CNTNAP5: variants seen among roughly 807,000 people sequenced by gnomAD.
CNTNAP5 encodes the protein contactin associated protein family member 5, also known as contactin-associated protein-like 5.
In CNTNAP5, 72 loss-of-function variants were observed where a neutral mutation model predicts 150.2. That is an observed-to-expected ratio of 0.48 (90% CI 0.40 to 0.58). The LOEUF is 0.58. CNTNAP5 is among the 20% of genes least tolerant of loss of function. The pLI is 0.00. For synonymous variants in CNTNAP5, 672 were observed against 619.8 expected (o/e 1.08, Z -1.25); for missense variants, 1,636 against 1,626.2 (o/e 1.01, Z -0.10).
At chr2:124,145,835 A>AAAAAAT (rs1422264200) in intron 1 of CNTNAP5, among the ~76,000 whole-genome samples, 1 of 49,790 alleles carries the variant, frequency 2.0e-5, no homozygotes, top group African/African-American at 8.7e-5. Context: ...AAAAGAAGAA[A>AAAAAAT]AAAAAAAAAA....
intron 10 of CNTNAP5, among the ~76,000 whole-genome samples, chr2:124,541,009 G>A (rs547662200): frequency 4.3e-4 from 66 of 152,044 alleles, no homozygotes; most frequent in African/African-American, 1.4e-3. Flanking sequence ...AAAAGCATCC[G>A]TACAGAGGTC....
chr2:124,856,585 A>T (rs1677379671), intron 19 of CNTNAP5, among the ~76,000 whole-genome samples: 1 of 152,236 alleles, frequency 6.6e-6, no homozygotes, highest in East Asian at 1.9e-4. Context: ...TTCCCTGATC[A>T]TGAGTGATGT....
chr2:124,280,152 A>G (rs1045218309), intron 3 of CNTNAP5, among the ~76,000 whole-genome samples: 1 of 151,384 alleles, frequency 6.6e-6, no homozygotes. Context: ...ATTATTTTAT[A>G]TATATACATA....
intron 3 of CNTNAP5, among the ~76,000 whole-genome samples, chr2:124,400,831 C>T (rs1034707461): frequency 6.6e-6 from 1 of 151,986 alleles, no homozygotes; most frequent in African/African-American, 2.4e-5. Context: ...AAATATATGA[C>T]ACTGTTGTCA....
At chr2:124,896,696 G>A (rs569116609) in intron 21 of CNTNAP5, among the ~76,000 whole-genome samples, 1 of 151,464 alleles carries the variant, frequency 6.6e-6, no homozygotes, top group Admixed American at 6.6e-5. Context: ...GCACCACCAT[G>A]TCCCGCTAAT....
intron 1 of CNTNAP5, among the ~76,000 whole-genome samples, chr2:124,047,729 A>G (rs1292063400): frequency 2.6e-5 from 4 of 152,178 alleles, no homozygotes. Flanking sequence ...GGTTCAAGGT[A>G]CAGACTCCTT....
chr2:124,168,203 C>T (rs547464264), intron 1 of CNTNAP5, among the ~76,000 whole-genome samples: 33 of 152,236 alleles, frequency 2.2e-4, no homozygotes, highest in African/African-American at 6.3e-4. Context: ...AGAAAACTGG[C>T]GCTCTGTGTT....
intron 1 of CNTNAP5, among the ~76,000 whole-genome samples, chr2:124,111,636 AG>A (rs750972366): frequency 6.6e-6 from 1 of 152,220 alleles, no homozygotes; most frequent in Non-Finnish European, 1.5e-5. Flanking sequence ...CAAAACCAGA[AG>A]GGTGGTCACA....
intron 13 of CNTNAP5, among the ~76,000 whole-genome samples, chr2:124,658,231 G>A (rs1678499878): frequency 6.6e-6 from 1 of 152,196 alleles, no homozygotes; most frequent in Non-Finnish European, 1.5e-5. Flanking sequence ...CAGAGCAAGA[G>A]GCTAGGCTTG....
intron 3 of CNTNAP5, among the ~76,000 whole-genome samples, chr2:124,321,206 C>T (rs911396710): frequency 6.6e-6 from 1 of 152,018 alleles, no homozygotes; most frequent in Non-Finnish European, 1.5e-5. Flanking sequence ...CTTTGAGAGG[C>T]CGAGGCAGGC....
intron 1 of CNTNAP5, among the ~76,000 whole-genome samples, chr2:124,208,578 G>C (rs887338857): frequency 6.6e-6 from 1 of 152,148 alleles, no homozygotes; most frequent in African/African-American, 2.4e-5. Flanking sequence ...TTCTAGAAGA[G>C]AATAAATATA....
intron 1 of CNTNAP5, among the ~76,000 whole-genome samples, chr2:124,107,192 C>T (rs1347890273): frequency 6.6e-6 from 1 of 152,126 alleles, no homozygotes; most frequent in Non-Finnish European, 1.5e-5. Context: ...GGCTTGGGAC[C>T]ACTATGCTCT....
chr2:124,415,707 C>T (rs1416089212), intron 3 of CNTNAP5, among the ~76,000 whole-genome samples: 1 of 152,112 alleles, frequency 6.6e-6, no homozygotes, highest in Non-Finnish European at 1.5e-5. Flanking sequence ...GCTGACATCC[C>T]ATCTTAAAGA....
At chr2:124,352,467 A>G (rs1689894211) in intron 3 of CNTNAP5, among the ~76,000 whole-genome samples, 1 of 152,192 alleles carries the variant, frequency 6.6e-6, no homozygotes. Context: ...AAGACAAAAC[A>G]GTGCCTGGAC....
intron 1 of CNTNAP5, among the ~76,000 whole-genome samples, chr2:124,066,192 T>C (rs897464305): frequency 6.6e-6 from 1 of 152,062 alleles, no homozygotes; most frequent in Non-Finnish European, 1.5e-5. Context: ...GAGACAGTTT[T>C]TTTCTTTCCC....
At chr2:124,600,199 T>TA (rs1258806976) in intron 11 of CNTNAP5, among the ~76,000 whole-genome samples, 12 of 151,754 alleles carry the variant, frequency 7.9e-5, no homozygotes, top group Admixed American at 3.3e-4. Context: ...GTTTTTTTTT[T>TA]ATTTTTATTT....
Position 124,899,673 on chromosome 2 carries a change from G to A in CNTNAP5, c.3437-3209G>A, listed in dbSNP as rs954483253. Among the ~76,000 whole-genome samples the A allele has an allele frequency of 6.6e-5, 10 of 151,174 alleles. 1 individual carries two copies. Among genetic ancestry groups the A allele is most frequent in the Non-Finnish European group, 1.2e-4 (8 of 67,960 alleles). On this transcript the variant is annotated intron_variant, in intron 21 of 23. Coordinates refer to ENST00000682447, the MANE Select transcript of CNTNAP5 (RefSeq NM_001367498.1). Reference sequence around the variant, plus strand: ...AACACTGGTATTTTTCAGTGGTGTCGCCTTTGCTTGCATTCCCATTTTGTC... The same window carrying A: ...AACACTGGTATTTTTCAGTGGTGTCACCTTTGCTTGCATTCCCATTTTGTC...
At chr2:124,254,403 G>T (rs986291232) in intron 3 of CNTNAP5, among the ~76,000 whole-genome samples, 1 of 152,168 alleles carries the variant, frequency 6.6e-6, no homozygotes, top group Non-Finnish European at 1.5e-5. Context: ...GGTAAGGGGG[G>T]CAGTCTCCCT....
At chr2:124,087,381 T>A (rs2104682196) in intron 1 of CNTNAP5, among the ~76,000 whole-genome samples, 1 of 151,956 alleles carries the variant, frequency 6.6e-6, no homozygotes, top group Non-Finnish European at 1.5e-5. Flanking sequence ...GTGACAAGTT[T>A]TCTTAGATTT....
Sources: gnomAD v4.1 joint callset for allele counts (sites outside exome capture counted in the v4.1 genomes callset) on GRCh38, gnomAD v4.1.1 for gene constraint, MANE v1.5 for transcripts, NCBI Gene and HGNC (gene_info 2026-07-23, HGNC 2026-07-21) for gene names.